The following EBPL variants were observed in gnomAD, a reference collection of about 807,000 sequenced individuals.
EBPL encodes emopamil-binding protein-like.
A neutral mutation model predicts 19.0 loss-of-function variants in EBPL; 20 were observed. The ratio of observed to expected loss-of-function variants is 1.05; its 90% CI spans 0.74 to 1.53. EBPL has a LOEUF of 1.53. EBPL is among the 40% of genes most tolerant of loss of function. The pLI is 0.00. For missense variants in EBPL, 219 were observed against 261.1 expected (o/e 0.84, Z 1.11); for synonymous variants, 107 against 117.0 (o/e 0.91, Z 0.55).
rs147659626 is a variant in EBPL at position 49,674,189 on chromosome 13, G to A, written c.172-4343C>T. Among the ~76,000 whole-genome samples, 656 of 152,078 alleles carry A rather than the reference G, an allele frequency of 4.3e-3. 5 individuals carry two copies. Among genetic ancestry groups the A allele is most frequent in the African/African-American group, 0.015 (616 of 41,468 alleles). On this transcript the variant is annotated intron_variant, in intron 1 of 3. Coordinates refer to ENST00000242827, the MANE Select transcript of EBPL (RefSeq NM_032565.5). ...TGCGACCTTGGCTCATTCAACCTCC[G>A]CCTCCTGGGTTCAAGCAATTCTCCT...
intron 3 of EBPL, among the ~76,000 whole-genome samples, chr13:49,662,682 G>C (rs1594402560): frequency 6.6e-6 from 1 of 151,872 alleles, no homozygotes; most frequent in East Asian, 1.9e-4. Flanking sequence ...ACCCAGGTTG[G>C]AGTGCAGTGG....
At chr13:49,667,534 T>C (rs1965245962) in intron 2 of EBPL, among the ~76,000 whole-genome samples, 2 of 152,308 alleles carry the variant, frequency 1.3e-5, no homozygotes, top group South Asian at 4.1e-4. Context: ...TGCATTTGAG[T>C]AAGATTCCCA....
At chr13:49,675,620 G>T (rs923377170) in intron 1 of EBPL, among the ~76,000 whole-genome samples, 8 of 152,182 alleles carry the variant, frequency 5.3e-5, no homozygotes, top group Non-Finnish European at 4.4e-5. Context: ...TTTCCATTTT[G>T]GGGTTATTGT....
chr13:49,675,526 C>T (rs529784010), intron 1 of EBPL, among the ~76,000 whole-genome samples: 12 of 152,286 alleles, frequency 7.9e-5, no homozygotes, highest in South Asian at 4.1e-4. Flanking sequence ...GTCAGAATTT[C>T]GTTTCTTTTT....
chr13:49,683,721 G>C (rs1953967880), intron 1 of EBPL, among the ~76,000 whole-genome samples: 1 of 152,146 alleles, frequency 6.6e-6, no homozygotes, highest in African/African-American at 2.4e-5. Context: ...TTTTGGTGAG[G>C]CTGTGGGGCA....
chr13:49,664,374 G>A (rs1285636480), intron 2 of EBPL, among the ~76,000 whole-genome samples: 1 of 152,130 alleles, frequency 6.6e-6, no homozygotes, highest in African/African-American at 2.4e-5. Flanking sequence ...GGGCATCTCC[G>A]CCCACAGGGA....
chr13:49,675,266 T>C (rs1594410832), intron 1 of EBPL, among the ~76,000 whole-genome samples: 1 of 152,236 alleles, frequency 6.6e-6, no homozygotes, highest in Non-Finnish European at 1.5e-5. Flanking sequence ...TAGGAAATTA[T>C]AACACAATGG....
chr13:49,663,224 A>G, intron 2 of EBPL, 29 bp from the exon 3 acceptor site: 1 of 1,610,126 alleles, frequency 6.2e-7, no homozygotes, highest in Non-Finnish European at 8.5e-7. Context: ...TTGTTACTCA[A>G]ATGGCAACAA....
chr13:49,689,222 G>T lies in EBPL; in HGVS notation c.171+2032C>A, dbSNP rs534806304. On this transcript the variant is annotated intron_variant, in intron 1 of 3. Coordinates refer to ENST00000242827, the MANE Select transcript of EBPL (RefSeq NM_032565.5). Reference sequence around the variant, plus strand: ...AGCTGGGGTAGGTAATGGCACAAAAGGAGGTGTGTGTCGTGTTACCTGTAA... The same window carrying T: ...AGCTGGGGTAGGTAATGGCACAAAATGAGGTGTGTGTCGTGTTACCTGTAA... Among the ~76,000 whole-genome samples the T allele has an allele frequency of 3.3e-5, 5 of 152,306 alleles. No individual in the cohort carries two copies. In the Middle Eastern group the frequency reaches 0.01, roughly 311 times the overall value.
chr13:49,674,201 C>T (rs534093301), intron 1 of EBPL, among the ~76,000 whole-genome samples: 2 of 152,228 alleles, frequency 1.3e-5, no homozygotes, highest in East Asian at 3.9e-4. Flanking sequence ...CTCCTGGGTT[C>T]AAGCAATTCT....
intron 1 of EBPL, among the ~76,000 whole-genome samples, chr13:49,684,282 G>A (rs1377260196): frequency 6.6e-6 from 1 of 152,190 alleles, no homozygotes; most frequent in African/African-American, 2.4e-5. Flanking sequence ...AAAGCTGGAG[G>A]GAGGAAAAGG....
intron 3 of EBPL, chr13:49,661,906 T>C: frequency 1.3e-6 from 2 of 1,550,610 alleles, no homozygotes; most frequent in Non-Finnish European, 1.7e-6. Flanking sequence ...TAGCAATCTA[T>C]TCACCCCAGG....
intron 1 of EBPL, among the ~76,000 whole-genome samples, chr13:49,688,644 G>A (rs530725707): frequency 4.6e-4 from 68 of 149,262 alleles, no homozygotes; most frequent in South Asian, 1.9e-3. Flanking sequence ...GCGTGAACCC[G>A]AGAGGCGGAG....
chr13:49,670,620 G>A (rs541676169), intron 1 of EBPL, among the ~76,000 whole-genome samples: 6 of 152,272 alleles, frequency 3.9e-5, no homozygotes, highest in South Asian at 2.1e-4. Context: ...TGCAGTTCCC[G>A]CGGTGATTTC....
chr13:49,661,984 A>C, intron 3 of EBPL: 1 of 1,436,250 alleles, frequency 7.0e-7, no homozygotes, highest in Non-Finnish European at 9.6e-7. Context: ...GTCTGATAGG[A>C]TGGATAATTT....
chr13:49,663,281 A>T, intron 2 of EBPL, 86 bp from the exon 3 acceptor site: 1 of 1,508,188 alleles, frequency 6.6e-7, no homozygotes, highest in Non-Finnish European at 9.1e-7. Flanking sequence ...TTTAAGGTGG[A>T]GATAAAATGA....
intron 1 of EBPL, among the ~76,000 whole-genome samples, chr13:49,678,367 G>C (rs1380777132): frequency 1.3e-5 from 2 of 152,248 alleles, no homozygotes; most frequent in African/African-American, 4.8e-5. Flanking sequence ...AATCGGACAG[G>C]TCGCTGCGGA....
intron 3 of EBPL, 23 bp downstream of exon 3, chr13:49,663,034 C>A (rs368785849): frequency 9.9e-6 from 16 of 1,612,454 alleles, no homozygotes; most frequent in African/African-American, 2.7e-5. Context: ...CTCCTTCCAG[C>A]AGGACAGAAG....
At chr13:49,679,015 A>AAAAAAAAAAAAG (rs1953913393) in intron 1 of EBPL, among the ~76,000 whole-genome samples, 1 of 151,130 alleles carries the variant, frequency 6.6e-6, no homozygotes, top group African/African-American at 2.4e-5. Context: ...CTAAAAAAAA[A>AAAAAAAAAAAAG]AAAAGACTAT....
Sources: allele counts gnomAD v4.1 joint callset (sites outside exome capture counted in the v4.1 genomes callset), GRCh38; gene constraint gnomAD v4.1.1; transcripts MANE v1.5; gene names NCBI Gene and HGNC (gene_info 2026-07-23, HGNC 2026-07-21).